Variants in CNTNAP2 observed in about 807,000 individuals in gnomAD.
CNTNAP2 encodes the protein contactin-associated protein-like 2.
In CNTNAP2, 98 loss-of-function variants were observed where a neutral mutation model predicts 155.2. That is an observed-to-expected ratio of 0.63 (90% confidence interval 0.54 to 0.75). CNTNAP2 has a LOEUF of 0.75. Among genes scored for constraint, CNTNAP2 ranks in the 30% least tolerant of loss-of-function variants. CNTNAP2 has a pLI of 0.00. For missense variants in CNTNAP2, 1,727 were observed against 1,688.1 expected (o/e 1.02, Z -0.40); for synonymous variants, 651 against 631.2 (o/e 1.03, Z -0.47).
At position 147,292,992 on chromosome 7, in the gene CNTNAP2, T is replaced by G. The variant is rs1805347197; in HGVS notation, c.1349-7149T>G. Among the ~76,000 whole-genome samples the G allele has an allele frequency of 1.3e-5, 2 of 152,148 alleles. 1 individual carries two copies. Among genetic ancestry groups the G allele is most frequent in the South Asian group, 4.1e-4 (2 of 4,830 alleles). ...CATGTTGGTCAGGCTGGTCTCAAAC[T>G]CCAGACCTTGGGTGATATGCCCGCT... On this transcript the variant is annotated intron_variant, in intron 8 of 23. Coordinates refer to ENST00000361727, the MANE Select transcript of CNTNAP2 (RefSeq NM_014141.6).
chr7:147,664,008 G>A (rs1324440742), intron 13 of CNTNAP2, among the ~76,000 whole-genome samples: 4 of 152,120 alleles, frequency 2.6e-5, no homozygotes, highest in Non-Finnish European at 5.9e-5. Context: ...TTTCTGTGTA[G>A]TAAAACGTGT....
At chr7:147,181,414 G>C (rs1159205781) in intron 8 of CNTNAP2, among the ~76,000 whole-genome samples, 2 of 152,132 alleles carry the variant, frequency 1.3e-5, no homozygotes, top group Admixed American at 1.3e-4. Flanking sequence ...ACTTTTTAAA[G>C]CAAAATTACT....
intron 1 of CNTNAP2, among the ~76,000 whole-genome samples, chr7:146,219,682 C>A (rs1222649472): frequency 6.6e-6 from 1 of 152,100 alleles, no homozygotes; most frequent in Non-Finnish European, 1.5e-5. Context: ...GGAGCAATAC[C>A]TTTGCATGAT....
At chr7:146,945,950 T>C (rs942823948) in intron 3 of CNTNAP2, among the ~76,000 whole-genome samples, 2 of 152,072 alleles carry the variant, frequency 1.3e-5, no homozygotes, top group East Asian at 3.9e-4. Context: ...CCTGCCTAGA[T>C]TGCCACCATG....
At chr7:146,863,483 A>G (rs1025959312) in intron 3 of CNTNAP2, among the ~76,000 whole-genome samples, 7 of 152,100 alleles carry the variant, frequency 4.6e-5, no homozygotes, top group Non-Finnish European at 8.8e-5. Flanking sequence ...TGGTATTTCC[A>G]CAGTTAACTT....
intron 11 of CNTNAP2, among the ~76,000 whole-genome samples, chr7:147,549,308 G>T (rs957312540): frequency 6.6e-6 from 1 of 152,050 alleles, no homozygotes; most frequent in Non-Finnish European, 1.5e-5. Context: ...CCTTGAAGAG[G>T]TCCTTCACGT....
intron 1 of CNTNAP2, among the ~76,000 whole-genome samples, chr7:146,421,124 T>G (rs1156473878): frequency 6.6e-6 from 1 of 152,056 alleles, no homozygotes; most frequent in Non-Finnish European, 1.5e-5. Context: ...TTTGTGAGTT[T>G]ATAGAAATAC....
intron 20 of CNTNAP2, among the ~76,000 whole-genome samples, chr7:148,235,719 CTCTG>C (rs1796030851): frequency 8.4e-6 from 1 of 119,506 alleles, no homozygotes; most frequent in Non-Finnish European, 1.6e-5. Flanking sequence ...CGGAGTCTTG[CTCTG>C]TCACCAGGCT....
At chr7:148,389,970 A>G (rs1175439951) in intron 22 of CNTNAP2, 4 of 151,846 alleles carry the variant, frequency 2.6e-5, no homozygotes, top group African/African-American at 9.7e-5. Context: ...TGTGATGTAA[A>G]CCCCCCTCCC....
intron 15 of CNTNAP2, among the ~76,000 whole-genome samples, chr7:147,986,535 T>C (rs1801619862): frequency 6.6e-6 from 1 of 152,334 alleles, no homozygotes; most frequent in African/African-American, 2.4e-5. Flanking sequence ...ACCTCTCATT[T>C]TACAGATCAG....
At chr7:148,215,832 G>T (rs1463284117) in intron 18 of CNTNAP2, among the ~76,000 whole-genome samples, 1 of 152,132 alleles carries the variant, frequency 6.6e-6, no homozygotes, top group East Asian at 1.9e-4. Context: ...TACACCCCCA[G>T]GCGTCGGACT....
At chr7:147,490,245 G>C (rs1212791015) in intron 11 of CNTNAP2, among the ~76,000 whole-genome samples, 2 of 152,070 alleles carry the variant, frequency 1.3e-5, no homozygotes, top group African/African-American at 2.4e-5. Context: ...AAAATCACGA[G>C]ATTTAAAAAT....
intron 21 of CNTNAP2, among the ~76,000 whole-genome samples, chr7:148,274,277 C>T (rs1485701111): frequency 1.3e-5 from 2 of 152,026 alleles, no homozygotes; most frequent in East Asian, 1.9e-4. Flanking sequence ...GTTAAGCCAC[C>T]GAGACTATAG....
At chr7:147,615,154 C>G (rs537465871) in intron 12 of CNTNAP2, among the ~76,000 whole-genome samples, 1 of 147,942 alleles carries the variant, frequency 6.8e-6, no homozygotes, top group Admixed American at 6.8e-5. Context: ...GTCTTAGCTA[C>G]TTGGGAGGCT....
intron 13 of CNTNAP2, among the ~76,000 whole-genome samples, chr7:147,681,557 T>G (rs1039953887): frequency 6.6e-6 from 1 of 151,996 alleles, no homozygotes; most frequent in African/African-American, 2.4e-5. Flanking sequence ...ATCTTCCATC[T>G]TGTTTATTGT....
intron 3 of CNTNAP2, among the ~76,000 whole-genome samples, chr7:146,870,200 A>G (rs1180518608): frequency 1.4e-5 from 2 of 143,290 alleles, no homozygotes; most frequent in Admixed American, 1.4e-4. Flanking sequence ...CTGTGAATCT[A>G]CCAGGTCCTG....
At chr7:146,302,927 A>G (rs775961920) in intron 1 of CNTNAP2, among the ~76,000 whole-genome samples, 2 of 152,190 alleles carry the variant, frequency 1.3e-5, no homozygotes, top group Non-Finnish European at 2.9e-5. Flanking sequence ...TTATTCAACA[A>G]GAGTTACCAG....
chr7:147,351,302 A>G (rs700297), intron 9 of CNTNAP2, among the ~76,000 whole-genome samples: 77,019 of 151,426 alleles, frequency 0.51, 20,167 homozygotes, highest in East Asian at 0.72. Context: ...TATATATTAT[A>G]CTAATTTCTG....
chr7:147,405,397 C>T, intron 10 of CNTNAP2, among the ~76,000 whole-genome samples: 1 of 152,118 alleles, frequency 6.6e-6, no homozygotes, highest in Admixed American at 6.5e-5. Flanking sequence ...ACTAAGAATT[C>T]ATTTAACTGC....
Sources: gnomAD v4.1 joint callset for allele counts (sites outside exome capture counted in the v4.1 genomes callset) on GRCh38, gnomAD v4.1.1 for gene constraint, MANE v1.5 for transcripts, NCBI Gene and HGNC (gene_info 2026-07-23, HGNC 2026-07-21) for gene names.